NELL1: variants seen among roughly 807,000 people sequenced by gnomAD.
NELL1 encodes protein kinase C-binding protein NELL1.
A neutral mutation model predicts 107.4 loss-of-function variants in NELL1; 76 were observed. The observed-to-expected ratio is 0.71, with a 90% CI of 0.59 to 0.86. The LOEUF is 0.86. Among genes scored for constraint, NELL1 ranks in the 40% least tolerant of loss-of-function variants. The pLI, the probability that NELL1 is intolerant of heterozygous loss-of-function variation, is 0.00. For missense variants in NELL1, 1,024 were observed against 1,005.5 expected (o/e 1.02, Z -0.25); for synonymous variants, 353 against 341.2 (o/e 1.03, Z -0.38).
intron 3 of NELL1, among the ~76,000 whole-genome samples, chr11:20,806,252 TTGTGTG>T (rs3045512): frequency 0.13 from 19,639 of 148,138 alleles, 1,771 homozygotes; most frequent in African/African-American, 0.26. Context: ...TGTGAAGCAT[TTGTGTG>T]TGTGTGTGTG....
intron 2 of NELL1, among the ~76,000 whole-genome samples, chr11:20,777,713 T>C (rs1301405233): frequency 1.3e-5 from 2 of 152,248 alleles, no homozygotes; most frequent in East Asian, 3.8e-4. Context: ...TAGAAGGTTG[T>C]GGCCTGTCTA....
intron 1 of NELL1, chr11:20,670,777 C>T (rs1853883601): frequency 1.3e-5 from 2 of 152,054 alleles, no homozygotes; most frequent in South Asian, 4.2e-4. Flanking sequence ...CCCAGCCATC[C>T]TCCGTACGCG....
intron 12 of NELL1, among the ~76,000 whole-genome samples, chr11:21,040,510 T>G (rs1338526051): frequency 6.6e-6 from 1 of 152,160 alleles, no homozygotes; most frequent in East Asian, 1.9e-4. Flanking sequence ...TTGTGCTCTT[T>G]AAGTCATGGA....
intron 15 of NELL1, among the ~76,000 whole-genome samples, chr11:21,481,633 C>T (rs1854495386): frequency 6.6e-6 from 1 of 152,188 alleles, no homozygotes; most frequent in African/African-American, 2.4e-5. Context: ...TGCATGTTTA[C>T]TTGTCAGAGA....
intron 2 of NELL1, among the ~76,000 whole-genome samples, chr11:20,723,303 T>C (rs1003852397): frequency 1.3e-5 from 2 of 152,312 alleles, no homozygotes; most frequent in African/African-American, 4.8e-5. Flanking sequence ...CCCTTCTCCC[T>C]ATGAGCCTGT....
intron 16 of NELL1, 76 bp downstream of exon 16, chr11:21,534,590 A>G: frequency 2.0e-6 from 3 of 1,463,576 alleles, no homozygotes; most frequent in East Asian, 2.3e-5. Context: ...TACTCTGTTC[A>G]GCTCCCAGTG....
intron 12 of NELL1, among the ~76,000 whole-genome samples, chr11:20,977,369 A>G (rs986789535): frequency 1.3e-5 from 2 of 149,286 alleles, no homozygotes; most frequent in African/African-American, 5.0e-5. Flanking sequence ...GGTTCACACC[A>G]TTCTCCTGCC....
intron 15 of NELL1, among the ~76,000 whole-genome samples, chr11:21,411,705 CTTT>C (rs1312646158): frequency 1.3e-5 from 2 of 151,940 alleles, no homozygotes; most frequent in Non-Finnish European, 2.9e-5. Flanking sequence ...ACAAATATTA[CTTT>C]TTTTAAAAAG....
intron 13 of NELL1, 67 bp from the exon 14 acceptor site, chr11:21,229,265 A>T: frequency 6.3e-7 from 1 of 1,579,620 alleles, no homozygotes; most frequent in Non-Finnish European, 8.7e-7. Flanking sequence ...TTCCAGCTAC[A>T]TTTCCCAATA....
intron 11 of NELL1, among the ~76,000 whole-genome samples, chr11:20,948,874 A>T (rs1295474267): frequency 2.0e-5 from 3 of 151,972 alleles, no homozygotes; most frequent in Non-Finnish European, 4.4e-5. Context: ...TATCCTTTTA[A>T]TCTGAGCTTT....
chr11:21,450,759 T>C (rs1369950381), intron 15 of NELL1, among the ~76,000 whole-genome samples: 1 of 152,122 alleles, frequency 6.6e-6, no homozygotes, highest in Non-Finnish European at 1.5e-5. Flanking sequence ...TCTACCTCTA[T>C]TATTGCTAAT....
chr11:20,805,298 G>A (rs1417703869), intron 3 of NELL1, among the ~76,000 whole-genome samples: 1 of 152,088 alleles, frequency 6.6e-6, no homozygotes, highest in Non-Finnish European at 1.5e-5. Context: ...CACATTCAAT[G>A]TTAATGATAA....
chr11:20,700,043 C>A (rs1854732940), intron 2 of NELL1, among the ~76,000 whole-genome samples: 1 of 151,890 alleles, frequency 6.6e-6, no homozygotes, highest in South Asian at 2.1e-4. Flanking sequence ...GGACGTAGAA[C>A]TTTTTTTTTA....
intron 15 of NELL1, among the ~76,000 whole-genome samples, chr11:21,412,153 A>G (rs1421996852): frequency 6.6e-6 from 1 of 152,132 alleles, no homozygotes; most frequent in African/African-American, 2.4e-5. Context: ...AAACAGATTA[A>G]TTGATGGAAA....
At chr11:21,331,993 G>T (rs537370982) in intron 14 of NELL1, among the ~76,000 whole-genome samples, 3 of 151,920 alleles carry the variant, frequency 2.0e-5, no homozygotes, top group Non-Finnish European at 2.9e-5. Context: ...AGTTTGGTTC[G>T]TGTCAGTCTA....
intron 15 of NELL1, among the ~76,000 whole-genome samples, chr11:21,372,803 T>C (rs1012157096): frequency 2.0e-5 from 3 of 152,024 alleles, no homozygotes. Flanking sequence ...AACATTACCT[T>C]AGACCAGGGC....
intron 2 of NELL1, among the ~76,000 whole-genome samples, chr11:20,717,620 G>A (rs1421414039): frequency 6.6e-6 from 1 of 152,044 alleles, no homozygotes; most frequent in Non-Finnish European, 1.5e-5. Context: ...TTGTTTTTCT[G>A]TATCTGGCTC....
chr11:20,755,889 T>G lies in NELL1; in HGVS notation c.185-27791T>G, dbSNP rs763128251. Among the ~76,000 whole-genome samples, 311 of 120,952 alleles carry G rather than the reference T, an allele frequency of 2.6e-3. 14 individuals carry two copies. The East Asian group carries it at 0.029, about 11-fold the overall frequency. 79.3% of individuals were successfully genotyped at this position (120,952 alleles called of 152,430 possible). A position where few individuals can be genotyped will look rare whatever the true frequency, so the allele number is the denominator to read the frequency against. On this transcript the variant is annotated intron_variant, in intron 2 of 19. Transcript: ENST00000357134. ...GGTTTTTTTTTTTTTTTTTTTTTTT[T>G]TTTTTTTTTTTTTTTTTTTATGAGA...
chr11:20,872,018 C>CAAAA (rs1160968611), intron 4 of NELL1, among the ~76,000 whole-genome samples: 87 of 41,458 alleles, frequency 2.1e-3, no homozygotes, highest in Admixed American at 3.1e-3. Context: ...GACTCCGTCT[C>CAAAA]AAAAAAAAAA....
Sources: allele counts gnomAD v4.1 joint callset (sites outside exome capture counted in the v4.1 genomes callset), GRCh38; gene constraint gnomAD v4.1.1; transcripts MANE v1.5; gene names NCBI Gene and HGNC (gene_info 2026-07-23, HGNC 2026-07-21).